The following OTC variants were observed in gnomAD, a reference collection of about 807,000 sequenced individuals.
The protein encoded by OTC is ornithine transcarbamylase, mitochondrial.
Under a neutral mutation model 30.3 loss-of-function variants are expected in OTC, and 3 were observed. The ratio of observed to expected loss-of-function variants is 0.10; its 90% CI spans 0.05 to 0.26. The LOEUF (loss-of-function observed/expected upper bound fraction) is 0.26. OTC is among the 10% of genes least tolerant of loss of function. OTC has a pLI of 1.00. For synonymous variants in OTC, 111 were observed against 99.7 expected (o/e 1.11, Z -0.67); for missense variants, 194 against 260.3 (o/e 0.75, Z 1.75).
chrX:38,329,721 G>C, the OTC span, among the ~76,000 whole-genome samples: 26 of 111,841 alleles, frequency 2.3e-4, no homozygotes, highest in East Asian at 6.8e-3. Context: ...CAACCAATCA[G>C]ATGTTTGAAT....
intron 9 of OTC, among the ~76,000 whole-genome samples, chrX:38,418,706 A>C (rs886359148): frequency 5.4e-5 from 6 of 111,657 alleles, no homozygotes; most frequent in Non-Finnish European, 7.5e-5. Context: ...GGTACTGAAT[A>C]AGTCTCACGA....
chrX:38,328,114 C>G, the OTC span, among the ~76,000 whole-genome samples: 2 of 112,519 alleles, frequency 1.8e-5, no homozygotes, highest in Non-Finnish European at 3.8e-5. Flanking sequence ...GGTAGCCCAA[C>G]ATCATTGCTC....
chrX:38,347,585 ACT>A (rs1489604079), upstream of OTC, among the ~76,000 whole-genome samples: 1 of 112,162 alleles, frequency 8.9e-6, no homozygotes, highest in Non-Finnish European at 1.9e-5. Context: ...AACTAGTAAC[ACT>A]CTGAAACAAA....
chrX:38,407,317 G>A (rs1272624655), intron 6 of OTC, among the ~76,000 whole-genome samples: 2 of 112,326 alleles, frequency 1.8e-5, no homozygotes, highest in Non-Finnish European at 3.8e-5. Flanking sequence ...GCCCAAAGGG[G>A]GCTGACAGCT....
chrX:38,381,040 T>TA (rs1455620679), intron 3 of OTC, among the ~76,000 whole-genome samples: 1 of 112,349 alleles, frequency 8.9e-6, no homozygotes, highest in Non-Finnish European at 1.9e-5. Context: ...GCTTTATATA[T>TA]TTTAGAGAAC....
chrX:38,381,524 C>T lies in OTC; in HGVS notation c.386+95C>T, dbSNP rs977495351. 1.9e-5 allele frequency: 12 copies of T among 620,182 alleles called. No individual in the cohort carries two copies. In the East Asian group the frequency reaches 4.3e-4, roughly 22 times the overall value. 51.1% of individuals were successfully genotyped at this position (620,182 alleles called of 1,213,427 possible). ...TAATTCTCTTTAAATAATGGTTTTC[C>T]CTCTAATTGTTCTGTTCTCCATTTT... On this transcript the variant is annotated intron_variant, in intron 4 of 9. Coordinates refer to ENST00000039007, the MANE Select transcript of OTC (RefSeq NM_000531.6).
At chrX:38,387,846 A>G (rs1378852058) in intron 4 of OTC, among the ~76,000 whole-genome samples, 1 of 111,690 alleles carries the variant, frequency 9.0e-6, no homozygotes. Context: ...GGGGACTGGT[A>G]CAAAAGTGCC....
In OTC at chrX:38,376,020, AT is replaced by A. The variant is rs923643312; in HGVS notation, c.299-5321del. ...CCTAGACACTGTGTGAAGAAAGCTTATCAAGTAGAAAATGAAGATCAACTTT... is the reference window on the plus strand; with the variant it reads ...CCTAGACACTGTGTGAAGAAAGCTTACAAGTAGAAAATGAAGATCAACTTT... On this transcript the variant is annotated intron_variant, in intron 3 of 9. Coordinates refer to ENST00000039007, the MANE Select transcript of OTC (RefSeq NM_000531.6). Among the ~76,000 whole-genome samples, 3 of 111,494 alleles carry A rather than the reference AT, an allele frequency of 2.7e-5. No individual in the cohort carries two copies. The Admixed American group carries it at 2.9e-4, about 11-fold the overall frequency.
intron 4 of OTC, chrX:38,395,629 G>C (rs374305336): frequency 1.3e-5 from 2 of 148,944 alleles, no homozygotes; most frequent in Non-Finnish European, 2.9e-5. Flanking sequence ...ATCCATAGGA[G>C]GAAGGGAAGA....
At chrX:38,417,864 C>T (rs989107643) in intron 9 of OTC, among the ~76,000 whole-genome samples, 12 of 111,701 alleles carry the variant, frequency 1.1e-4, no homozygotes, top group African/African-American at 3.6e-4. Context: ...ATATACACCA[C>T]ATTTTCTCTA....
chrX:38,412,544 A>G (rs2068549180), intron 9 of OTC, among the ~76,000 whole-genome samples: 1 of 112,260 alleles, frequency 8.9e-6, no homozygotes, highest in Admixed American at 9.5e-5. Context: ...GGTTCCTTTC[A>G]GATAAAGCCA....
intron 4 of OTC, among the ~76,000 whole-genome samples, chrX:38,398,649 A>G (rs2068469249): frequency 9.0e-6 from 1 of 111,181 alleles, no homozygotes; most frequent in African/African-American, 3.3e-5. Context: ...ACATCATAAA[A>G]TTAACCAATT....
chrX:38,414,923 C>T (rs2068562550), intron 9 of OTC, among the ~76,000 whole-genome samples: 1 of 110,302 alleles, frequency 9.1e-6, no homozygotes, highest in African/African-American at 3.3e-5. Flanking sequence ...GGTCCTCTGC[C>T]AGGCATTGGA....
chrX:38,360,184 G>C (rs1057304220), intron 1 of OTC, among the ~76,000 whole-genome samples: 11 of 110,894 alleles, frequency 9.9e-5, no homozygotes, highest in African/African-American at 3.6e-4. Context: ...TCCTCCCAAA[G>C]TGCTGGGATT....
chrX:38,393,375 A>G (rs1309405421), intron 4 of OTC, among the ~76,000 whole-genome samples: 1 of 112,715 alleles, frequency 8.9e-6, no homozygotes, highest in Non-Finnish European at 1.9e-5. Flanking sequence ...GCACAAAGCT[A>G]TTAATATCAT....
At chrX:38,350,986 C>T (rs755001814), upstream of OTC, among the ~76,000 whole-genome samples, 3 of 111,830 alleles carry the variant, frequency 2.7e-5, no homozygotes, top group South Asian at 7.4e-4. Context: ...CTCTCTGAAA[C>T]CTATTCAATA....
intron 1 of OTC, among the ~76,000 whole-genome samples, chrX:38,366,307 A>G (rs1240661032): frequency 2.7e-5 from 3 of 111,478 alleles, no homozygotes; most frequent in African/African-American, 9.8e-5. Flanking sequence ...TTATTATTAT[A>G]TTTTTGTTAC....
chrX:38,344,743 T>G, the OTC span, among the ~76,000 whole-genome samples: 1 of 111,523 alleles, frequency 9.0e-6, no homozygotes, highest in Admixed American at 9.5e-5. Flanking sequence ...TTTAAAAATT[T>G]TGCTTTGTGA....
At chrX:38,341,624 C>T in the OTC span, among the ~76,000 whole-genome samples, 4 of 111,983 alleles carry the variant, frequency 3.6e-5, no homozygotes, top group African/African-American at 6.5e-5. Context: ...TTCATTACAC[C>T]GGAAGGCAAT....
Sources: gnomAD v4.1 joint callset for allele counts (sites outside exome capture counted in the v4.1 genomes callset) on GRCh38, gnomAD v4.1.1 for gene constraint, MANE v1.5 for transcripts, NCBI Gene and HGNC (gene_info 2026-07-23, HGNC 2026-07-21) for gene names.